TSPEAR: variants seen among roughly 807,000 people sequenced by gnomAD.
The protein encoded by TSPEAR is thrombospondin-type laminin G domain and EAR repeat-containing protein.
A neutral mutation model predicts 71.6 loss-of-function variants in TSPEAR; 69 were observed. The observed-to-expected ratio is 0.96, with a 90% CI of 0.79 to 1.18. TSPEAR has a LOEUF of 1.18. Ranked by LOEUF, TSPEAR falls within the 50% of genes most tolerant of loss-of-function variation. The pLI is 0.00. For missense variants in TSPEAR, 971 were observed against 894.9 expected (o/e 1.09, Z -1.09); for synonymous variants, 402 against 387.2 (o/e 1.04, Z -0.45).
chr21:44,687,444 C>T lies in TSPEAR; in HGVS notation c.82+23989G>A, dbSNP rs1434554211. Among the ~76,000 whole-genome samples, 8 of 152,212 alleles carry T rather than the reference C, an allele frequency of 5.3e-5. No homozygotes were observed. The highest frequency in any genetic ancestry group is 1.2e-4 in the Non-Finnish European group (8 of 68,040). ...TGACAGAGCGGTACAGCGGAATCCA[C>T]ACCAGCACTGAGGGCGGCATTGCTT... On this transcript the variant is annotated intron_variant, in intron 1 of 11. Transcript: ENST00000323084. This position sits in a 1 kb window ranked among gnomAD's most constrained non-coding sequence, Gnocchi z 4.4.
At chr21:44,526,712 G>T (rs1426562702) in intron 7 of TSPEAR, among the ~76,000 whole-genome samples, 5 of 152,234 alleles carry the variant, frequency 3.3e-5, no homozygotes, top group African/African-American at 1.2e-4. Context: ...GGACATGGCT[G>T]TGTAGAGTCC....
Position 44,514,962 on chromosome 21 carries a change from C to T in TSPEAR, c.1567-5576G>A, listed in dbSNP as rs148555961. ...CTTAACCTGCAGTGCCCTGGGAATGCGCCCACCCTGTGTTTCTGGGAGAAA... is the reference window on the plus strand; with the variant it reads ...CTTAACCTGCAGTGCCCTGGGAATGTGCCCACCCTGTGTTTCTGGGAGAAA... On this transcript the variant is annotated intron_variant, in intron 9 of 11. Transcript: ENST00000323084. Among the ~76,000 whole-genome samples, 13 of 152,248 alleles carry T rather than the reference C, an allele frequency of 8.5e-5. No individual in the cohort carries two copies. In the East Asian group the frequency reaches 1.5e-3, roughly 18 times the overall value.
At chr21:44,539,795 G>A (rs781952477) in intron 2 of TSPEAR, 2 of 1,612,808 alleles carry the variant, frequency 1.2e-6, no homozygotes, top group South Asian at 1.1e-5. Context: ...GCAGCATGAA[G>A]AGGAATCCTT....
chr21:44,581,374 C>T (rs1978959974), intron 1 of TSPEAR, among the ~76,000 whole-genome samples: 1 of 152,162 alleles, frequency 6.6e-6, no homozygotes, highest in Non-Finnish European at 1.5e-5. Context: ...GATAGTTTAG[C>T]TGGGTATATA....
intron 8 of TSPEAR, among the ~76,000 whole-genome samples, chr21:44,524,641 G>C (rs782273126): frequency 7.9e-5 from 12 of 151,666 alleles, no homozygotes; most frequent in Admixed American, 2.6e-4. Context: ...TCAGTCATCA[G>C]TCAGTTAGGT....
At position 44,506,079 on chromosome 21, in the gene TSPEAR, G is replaced by A. The variant is rs2052192766; in HGVS notation, c.1755-1198C>T. Among the ~76,000 whole-genome samples the A allele has an allele frequency of 6.6e-6, 1 of 152,234 alleles. No individual in the cohort carries two copies. Among genetic ancestry groups the A allele is most frequent in the African/African-American group, 2.4e-5 (1 of 41,462 alleles). ...CGGCCGTGAGGTCACTCCAGGAGGT[G>A]CCTACAGGACCTGCAGGACCTGCTC... On this transcript the variant is annotated intron_variant, in intron 10 of 11. Transcript: ENST00000323084. The surrounding 1 kb of genome is among the most constrained non-coding windows in gnomAD (Gnocchi z 4.2).
chr21:44,626,239 C>T (rs782714783), intron 1 of TSPEAR, among the ~76,000 whole-genome samples: 1 of 152,200 alleles, frequency 6.6e-6, no homozygotes, highest in Non-Finnish European at 1.5e-5. Context: ...GGAAAGTGAT[C>T]AGGGCCATTT....
intron 10 of TSPEAR, chr21:44,508,971 G>A: frequency 6.5e-7 from 1 of 1,535,356 alleles, no homozygotes. Context: ...ACAGCACCCG[G>A]CTCTGGGAAC....
rs2051986471 is a variant in TSPEAR, at chr21:44,499,585, T to C, written c.*198A>G. 1.8e-6 allele frequency: 1 copy of C among 550,262 alleles called. No individual in the cohort carries two copies. 34.1% of individuals were successfully genotyped at this position (550,262 alleles called of 1,614,324 possible). On this transcript the variant is annotated 3_prime_UTR_variant, in exon 12 of 12. Coordinates refer to ENST00000323084, the MANE Select transcript of TSPEAR (RefSeq NM_144991.3). The stretch of plus-strand genomic sequence containing the variant: ...TGCAAGACCAGACCGTCACTGGGGC[T>C]GTGGCTCAGAAGGACTCAGAGGTGG...
intron 1 of TSPEAR, among the ~76,000 whole-genome samples, chr21:44,588,434 T>C (rs782106636): frequency 2.0e-5 from 3 of 152,064 alleles, no homozygotes; most frequent in Non-Finnish European, 2.9e-5. Context: ...GGTGGGAATG[T>C]AAACTAGTAC....
intron 1 of TSPEAR, among the ~76,000 whole-genome samples, chr21:44,663,182 G>A (rs587671021): frequency 6.7e-6 from 1 of 150,270 alleles, no homozygotes; most frequent in East Asian, 1.9e-4. Context: ...AAAGAACAAT[G>A]AAATGAATAA....
chr21:44,648,614 T>TG (rs1984580447), intron 1 of TSPEAR, among the ~76,000 whole-genome samples: 4 of 152,260 alleles, frequency 2.6e-5, no homozygotes, highest in African/African-American at 9.6e-5. Context: ...CAGGGGAGCC[T>TG]AAGGCACAGG....
intron 9 of TSPEAR, among the ~76,000 whole-genome samples, chr21:44,516,763 G>A (rs1166911881): frequency 6.6e-6 from 1 of 152,124 alleles, no homozygotes; most frequent in African/African-American, 2.4e-5. Flanking sequence ...CTCCTTTCAT[G>A]CTTAAAATCA....
rs1420604343 is a variant in TSPEAR, at chr21:44,704,204, T to TG, written c.82+7228dup. On this transcript the variant is annotated intron_variant, in intron 1 of 11. Transcript: ENST00000323084. ...CCATCCTCTTCCTAGCCCCTGGGGGTGGGGAGGTAGCTGGGACCCTGCCCC... is the reference window on the plus strand; with the variant it reads ...CCATCCTCTTCCTAGCCCCTGGGGGTGGGGGAGGTAGCTGGGACCCTGCCCC... 2.0e-5 allele frequency among the ~76,000 whole-genome samples: 3 copies of TG among 150,704 alleles called. No homozygotes were observed. The East Asian group carries it at 5.9e-4, about 30-fold the overall frequency.
chr21:44,612,265 C>T lies in TSPEAR; in HGVS notation c.83-44260G>A, dbSNP rs372099444. On this transcript the variant is annotated intron_variant, in intron 1 of 11. Coordinates refer to ENST00000323084, the MANE Select transcript of TSPEAR (RefSeq NM_144991.3). This position sits in a 1 kb window ranked among gnomAD's most constrained non-coding sequence, Gnocchi z 4.1. ...AGGAAAGCTGCTGCGAGCCCCGCTCCTGTGCCTCCAGCTGCTGTACCCCTA... is the reference window on the plus strand; with the variant it reads ...AGGAAAGCTGCTGCGAGCCCCGCTCTTGTGCCTCCAGCTGCTGTACCCCTA... The T allele has an allele frequency of 2.5e-5, 41 of 1,613,520 alleles. No homozygotes were observed. The highest frequency in any genetic ancestry group is 3.5e-5 in the Non-Finnish European group (41 of 1,180,016).
intron 1 of TSPEAR, among the ~76,000 whole-genome samples, chr21:44,644,750 A>AT (rs1984211260): frequency 6.6e-6 from 1 of 152,234 alleles, no homozygotes; most frequent in Non-Finnish European, 1.5e-5. Context: ...ATAAAAAGTC[A>AT]TAAAAAGAGA....
intron 1 of TSPEAR, among the ~76,000 whole-genome samples, chr21:44,586,591 C>CA (rs1197766915): frequency 5.9e-5 from 9 of 152,146 alleles, no homozygotes; most frequent in East Asian, 3.9e-4. Context: ...TTCCTCCCTC[C>CA]AAAAAAATCA....
intron 1 of TSPEAR, chr21:44,677,280 T>C: frequency 1.3e-6 from 1 of 772,832 alleles, no homozygotes; most frequent in South Asian, 1.6e-5. Context: ...TCTGTGTTCC[T>C]TCAACGCACC....
intron 2 of TSPEAR, 30 bp from the exon 3 acceptor site, chr21:44,533,953 G>T: frequency 1.9e-6 from 3 of 1,570,320 alleles, no homozygotes; most frequent in Non-Finnish European, 2.6e-6. Flanking sequence ...CTCAGGACGG[G>T]GCTGGGGGTA....
Sources: allele counts gnomAD v4.1 joint callset (sites outside exome capture counted in the v4.1 genomes callset), GRCh38; gene constraint gnomAD v4.1.1; non-coding constraint Gnocchi (gnomAD v3.1); transcripts MANE v1.5; gene names NCBI Gene and HGNC (gene_info 2026-07-23, HGNC 2026-07-21).